NNMT: variants seen among roughly 807,000 people sequenced by gnomAD.
NNMT encodes nicotinamide N-methyltransferase.
In NNMT, 10 loss-of-function variants were observed where a neutral mutation model predicts 11.7. The observed-to-expected ratio is 0.85, with a 90% CI of 0.53 to 1.45. NNMT has a LOEUF of 1.45. NNMT is among the 40% of genes most tolerant of loss of function. NNMT has a pLI of 0.00. For missense variants in NNMT, 381 were observed against 319.4 expected, an observed-to-expected ratio of 1.19 and a Z score of -1.47; for synonymous variants, 143 against 133.8, an observed-to-expected ratio of 1.07 and a Z score of -0.48.
intron 2 of NNMT, among the ~76,000 whole-genome samples, chr11:114,307,080 G>A (rs532245928): frequency 2.6e-4 from 39 of 152,228 alleles, no homozygotes; most frequent in Admixed American, 8.5e-4. Flanking sequence ...AAACATTCCC[G>A]CCTTTTACAA....
chr11:114,268,819 G>C (rs1382913029), intron 2 of NNMT, among the ~76,000 whole-genome samples: 2 of 150,850 alleles, frequency 1.3e-5, no homozygotes, highest in Admixed American at 1.3e-4. Context: ...CTGCCTTAGA[G>C]CTCCTGAATC....
At chr11:114,272,995 A>G (rs1945183098) in intron 2 of NNMT, among the ~76,000 whole-genome samples, 1 of 152,242 alleles carries the variant, frequency 6.6e-6, no homozygotes, top group Non-Finnish European at 1.5e-5. Flanking sequence ...GTGAATGAGC[A>G]TGCTAAGTTC....
At chr11:114,309,824 T>C (rs1945533598) in intron 2 of NNMT, among the ~76,000 whole-genome samples, 1 of 152,230 alleles carries the variant, frequency 6.6e-6, no homozygotes, top group African/African-American at 2.4e-5. Flanking sequence ...TGGTCTGCTT[T>C]CAGTCTCTGT....
chr11:114,306,872 G>T (rs901482195), intron 2 of NNMT, among the ~76,000 whole-genome samples: 1 of 152,170 alleles, frequency 6.6e-6, no homozygotes, highest in Non-Finnish European at 1.5e-5. Context: ...TCTGTGCAAA[G>T]ACCTCCATTT....
intron 2 of NNMT, among the ~76,000 whole-genome samples, chr11:114,265,292 A>G (rs553739817): frequency 1.3e-5 from 2 of 152,324 alleles, no homozygotes; most frequent in African/African-American, 2.4e-5. Context: ...AGCTGGCTTT[A>G]TCTTCCTTGA....
intron 2 of NNMT, among the ~76,000 whole-genome samples, chr11:114,264,514 C>G (rs1246371085): frequency 6.6e-6 from 1 of 152,178 alleles, no homozygotes; most frequent in Non-Finnish European, 1.5e-5. Context: ...TAGGGGGCTT[C>G]TCCCCACACA....
chr11:114,306,707 C>G (rs1230817040), intron 2 of NNMT, among the ~76,000 whole-genome samples: 1 of 152,060 alleles, frequency 6.6e-6, no homozygotes, highest in African/African-American at 2.4e-5. Flanking sequence ...CATTGTTCTA[C>G]ATTTCTGTTT....
At chr11:114,260,337 G>A (rs535488055) in intron 1 of NNMT, among the ~76,000 whole-genome samples, 5 of 152,218 alleles carry the variant, frequency 3.3e-5, no homozygotes, top group East Asian at 1.9e-4. Context: ...CCACGAGAAA[G>A]GAAGCCCTTC....
rs1472222960 is a variant in NNMT at position 114,312,357 on chromosome 11, G to A, written c.675G>A (p.Val225=). ...PLGREAVEAA[V]KEAGYTIEWF... ...GCCGGGAGGCAGTAGAGGCTGCTGT[G>A]AAAGAGGCTGGCTACACAATCGAAT... The change falls in exon 3 of 3, where the codon GTG becomes GTA. Residue 225 remains valine, a synonymous_variant. Transcript: ENST00000299964. 1 of 1,614,260 alleles carries A rather than the reference G, an allele frequency of 6.2e-7. No individual in the cohort carries two copies. Among genetic ancestry groups the A allele is most frequent in the Non-Finnish European group, 8.5e-7 (1 of 1,180,044 alleles).
At chr11:114,300,475 A>G (rs1017933331) in intron 2 of NNMT, among the ~76,000 whole-genome samples, 2 of 152,174 alleles carry the variant, frequency 1.3e-5, no homozygotes, top group African/African-American at 2.4e-5. Flanking sequence ...TGCTTTCTAC[A>G]TTGAAAAGAG....
At chr11:114,268,365 C>T (rs1049003474) in intron 2 of NNMT, among the ~76,000 whole-genome samples, 1 of 152,188 alleles carries the variant, frequency 6.6e-6, no homozygotes, top group African/African-American at 2.4e-5. Flanking sequence ...CACAGAGTTC[C>T]CTCTTTATCT....
chr11:114,289,458 C>T (rs1314808552), intron 2 of NNMT, among the ~76,000 whole-genome samples: 1 of 152,100 alleles, frequency 6.6e-6, no homozygotes, highest in African/African-American at 2.4e-5. Flanking sequence ...CATTAACTTT[C>T]AGTTTTTCTT....
chr11:114,269,184 A>G lies in NNMT; in HGVS notation c.-130+6250A>G, dbSNP rs76002983. Among the ~76,000 whole-genome samples, 781 of 152,322 alleles carry G rather than the reference A, an allele frequency of 5.1e-3. 9 individuals are homozygous for G. Among genetic ancestry groups the G allele is most frequent in the African/African-American group, 0.018 (760 of 41,562 alleles). The stretch of plus-strand genomic sequence containing the variant: ...ACTCTGTGCTCTTATACATCAACCT[A>G]TTATCTTACATAATAGCTGCTTAAT... On this transcript the variant is annotated intron_variant, in intron 2 of 4. Coordinates refer to the NNMT transcript ENST00000535401.
At chr11:114,282,579 C>G (rs1945270154) in intron 2 of NNMT, among the ~76,000 whole-genome samples, 1 of 152,176 alleles carries the variant, frequency 6.6e-6, no homozygotes, top group Non-Finnish European at 1.5e-5. Context: ...TTTCACAGCC[C>G]CCTTGCCTCA....
intron 2 of NNMT, among the ~76,000 whole-genome samples, chr11:114,285,026 G>A (rs1945288221): frequency 6.6e-6 from 1 of 151,924 alleles, no homozygotes; most frequent in Non-Finnish European, 1.5e-5. Flanking sequence ...CAAAAGTGCT[G>A]GGATTACAGG....
Position 114,312,098 on chromosome 11 carries a change from T to G in NNMT, c.416T>G (p.Leu139Arg). 1 of 1,609,098 alleles carries G rather than the reference T, an allele frequency of 6.2e-7. No individual in the cohort carries two copies. Among genetic ancestry groups the G allele is most frequent in the Middle Eastern group, 1.7e-4 (1 of 6,040 alleles). Reference protein sequence around the residue: ...EKLRQAVKQVLKCDVTQSQPL... With the variant: ...EKLRQAVKQVRKCDVTQSQPL... ...TTGAGACAGGCGGTCAAGCAGGTGC[T>G]GAAGTGTGATGTGACTCAGAGCCAG... is the stretch of plus-strand genomic sequence containing the variant. Residue 139 changes from leucine to arginine, a missense_variant, in exon 3 of 3, where the codon CTG becomes CGG. Leu to Arg is a moderately radical substitution (Grantham distance 102, BLOSUM62 -2). Coordinates refer to ENST00000299964, the MANE Select transcript of NNMT (RefSeq NM_006169.3).
chr11:114,270,574 C>CT (rs1258741692), intron 2 of NNMT: 5 of 152,216 alleles, frequency 3.3e-5, no homozygotes, highest in Admixed American at 1.3e-4. Context: ...TATTTTCTCA[C>CT]TGTTCTGGAG....
At position 114,296,414 on chromosome 11, in the gene NNMT, A is replaced by G. The variant is rs890547650; in HGVS notation, c.-143A>G. The G allele has an allele frequency of 2.0e-5, 15 of 737,318 alleles. No homozygotes were observed. The highest frequency in any genetic ancestry group is 3.9e-5 in the South Asian group (2 of 51,902). 45.7% of individuals were successfully genotyped at this position (737,318 alleles called of 1,614,324 possible). A position where few individuals can be genotyped will look rare whatever the true frequency, so the allele number is the denominator to read the frequency against. On this transcript the variant is annotated 5_prime_UTR_variant, in exon 1 of 3. Coordinates refer to ENST00000299964, the MANE Select transcript of NNMT (RefSeq NM_006169.3). ...TTTCTCTGTTAGTGTTTAACCAACC[A>G]TCTGTTCTAAAAGAAGGGCTGAACT...
upstream of NNMT, among the ~76,000 whole-genome samples, chr11:114,291,408 C>T (rs542620496): frequency 1.7e-4 from 26 of 152,194 alleles, no homozygotes; most frequent in Non-Finnish European, 3.2e-4. Context: ...TTTCCTTTGC[C>T]AGTGTCTCTA....
Sources: allele counts gnomAD v4.1 joint callset (sites outside exome capture counted in the v4.1 genomes callset), GRCh38; gene constraint gnomAD v4.1.1; transcripts MANE v1.5; gene names NCBI Gene and HGNC (gene_info 2026-07-23, HGNC 2026-07-21).